The following SHISA9 variants were observed in gnomAD, a reference collection of about 807,000 sequenced individuals.
SHISA9 encodes the protein shisa family member 9, also known as protein shisa-9.
A neutral mutation model predicts 38.0 loss-of-function variants in SHISA9; 13 were observed. The ratio of observed to expected loss-of-function variants is 0.34; its 90% confidence interval spans 0.22 to 0.54. The LOEUF is 0.54. SHISA9 is among the 20% of genes least tolerant of loss of function. The pLI is 0.91. For synonymous variants in SHISA9, 275 were observed against 242.0 expected, an observed-to-expected ratio of 1.14 and a Z score of -1.27; for missense variants, 538 against 575.8, an observed-to-expected ratio of 0.93 and a Z score of 0.67.
chr16:13,064,807 AAAGAGAAC>A (rs1230997038), intron 2 of SHISA9, among the ~76,000 whole-genome samples: 3 of 151,778 alleles, frequency 2.0e-5, no homozygotes, highest in Admixed American at 2.0e-4. Flanking sequence ...AAAAAGAAAA[AAAGAGAAC>A]AAATGGATGA....
At chr16:13,127,070 G>C (rs111209285) in intron 2 of SHISA9, among the ~76,000 whole-genome samples, 12 of 146,900 alleles carry the variant, frequency 8.2e-5, no homozygotes, top group Non-Finnish European at 1.5e-5. Flanking sequence ...AGGAGAGAGA[G>C]AGGGAGAGAG....
At chr16:13,088,359 T>G (rs180939423) in intron 2 of SHISA9, among the ~76,000 whole-genome samples, 10 of 152,344 alleles carry the variant, frequency 6.6e-5, no homozygotes, top group East Asian at 5.8e-4. Context: ...AGAAAGTCAT[T>G]GGTAGCTTGA....
At chr16:13,107,437 CAAA>C (rs1395642180) in intron 2 of SHISA9, among the ~76,000 whole-genome samples, 1 of 143,552 alleles carries the variant, frequency 7.0e-6, no homozygotes, top group Non-Finnish European at 1.5e-5. Context: ...GGTCTGAAAA[CAAA>C]AACAAACAAA....
At chr16:12,973,971 T>G (rs7201556) in intron 2 of SHISA9, among the ~76,000 whole-genome samples, 57,398 of 152,050 alleles carry the variant, frequency 0.38, 11,367 homozygotes, top group Middle Eastern at 0.52. Flanking sequence ...TTCCTTATTA[T>G]GCATAAGTGG....
intron 2 of SHISA9, among the ~76,000 whole-genome samples, chr16:13,096,765 A>C (rs76710329): frequency 6.6e-6 from 1 of 151,926 alleles, no homozygotes; most frequent in African/African-American, 2.4e-5. Flanking sequence ...TGGACTTTTG[A>C]TGTTTCGTGA....
intron 4 of SHISA9, among the ~76,000 whole-genome samples, chr16:13,227,906 G>C (rs1025056809): frequency 6.6e-6 from 1 of 152,206 alleles, no homozygotes; most frequent in African/African-American, 2.4e-5. Flanking sequence ...TGCCTAGTAA[G>C]TTGCCTACCA....
chr16:13,014,552 A>G (rs2072718195), intron 2 of SHISA9, among the ~76,000 whole-genome samples: 1 of 152,166 alleles, frequency 6.6e-6, no homozygotes, highest in Admixed American at 6.5e-5. Context: ...TTAAACATTA[A>G]ACCACTGGTT....
intron 2 of SHISA9, among the ~76,000 whole-genome samples, chr16:13,081,997 C>A (rs2073656308): frequency 6.6e-6 from 1 of 152,092 alleles, no homozygotes; most frequent in African/African-American, 2.4e-5. Flanking sequence ...ACATGAGCTG[C>A]ACTAATTATC....
chr16:13,431,597 T>C, the SHISA9 span, among the ~76,000 whole-genome samples: 8 of 152,180 alleles, frequency 5.3e-5, no homozygotes, highest in Non-Finnish European at 8.8e-5. Flanking sequence ...CAATGCCCAG[T>C]GGTCCATTTT....
At chr16:13,343,223 T>C in the SHISA9 span, among the ~76,000 whole-genome samples, 2 of 152,228 alleles carry the variant, frequency 1.3e-5, no homozygotes, top group Non-Finnish European at 2.9e-5. Context: ...CTGAAATCTT[T>C]GCACCAAATC....
intron 2 of SHISA9, among the ~76,000 whole-genome samples, chr16:13,132,793 G>A (rs1402103268): frequency 6.6e-6 from 1 of 152,186 alleles, no homozygotes; most frequent in Non-Finnish European, 1.5e-5. Flanking sequence ...TGAATTGAAG[G>A]TCTTTGGAGA....
At chr16:12,948,732 T>C (rs1445443600) in intron 2 of SHISA9, among the ~76,000 whole-genome samples, 1 of 152,166 alleles carries the variant, frequency 6.6e-6, no homozygotes, top group Non-Finnish European at 1.5e-5. Flanking sequence ...AGGCCCCACT[T>C]CTTAATATCA....
the SHISA9 span, among the ~76,000 whole-genome samples, chr16:13,466,523 T>C: frequency 6.6e-6 from 1 of 152,060 alleles, no homozygotes; most frequent in Non-Finnish European, 1.5e-5. Context: ...ACCAACTGAG[T>C]TGCTTATTGA....
At chr16:13,449,204 A>G in the SHISA9 span, among the ~76,000 whole-genome samples, 1 of 152,234 alleles carries the variant, frequency 6.6e-6, no homozygotes, top group Admixed American at 6.5e-5. Flanking sequence ...AATATACAAT[A>G]TAGTCTCAAG....
the SHISA9 span, among the ~76,000 whole-genome samples, chr16:13,451,330 C>G: frequency 0.011 from 1,622 of 152,334 alleles, 27 homozygotes; most frequent in African/African-American, 0.037. Flanking sequence ...ATCCCTGACT[C>G]AGCGTCTGCT....
chr16:13,143,021 T>TTTATTTTATTTTATC (rs372147554), intron 2 of SHISA9, among the ~76,000 whole-genome samples: 1 of 151,788 alleles, frequency 6.6e-6, no homozygotes. Flanking sequence ...TTTATTTTAT[T>TTTATTTTATTTTATC]TTAAGACAGA....
At chr16:13,275,240 T>C in the SHISA9 span, among the ~76,000 whole-genome samples, 1 of 152,252 alleles carries the variant, frequency 6.6e-6, no homozygotes, top group Non-Finnish European at 1.5e-5. Flanking sequence ...TTTAGATCTT[T>C]TCTATGCATA....
At chr16:13,534,990 A>G in the SHISA9 span, among the ~76,000 whole-genome samples, 1 of 152,320 alleles carries the variant, frequency 6.6e-6, no homozygotes. Flanking sequence ...CACGTTTGTA[A>G]TCCCAGCACC....
At chr16:13,517,191 C>G in the SHISA9 span, among the ~76,000 whole-genome samples, 2 of 152,146 alleles carry the variant, frequency 1.3e-5, no homozygotes. Flanking sequence ...TGGAGTGATG[C>G]ATCTACAAGC....
Sources: gnomAD v4.1 joint callset for allele counts (sites outside exome capture counted in the v4.1 genomes callset) on GRCh38, gnomAD v4.1.1 for gene constraint, MANE v1.5 for transcripts, NCBI Gene and HGNC (gene_info 2026-07-23, HGNC 2026-07-21) for gene names.